Variants in DYM observed in about 807,000 individuals in gnomAD.
The protein encoded by DYM is dymeclin.
Under a neutral mutation model 93.1 loss-of-function variants are expected in DYM, and 78 were observed. The observed-to-expected ratio is 0.84, with a 90% CI of 0.70 to 1.01. The LOEUF (loss-of-function observed/expected upper bound fraction) is 1.01. Ranked by LOEUF, DYM falls within the 50% of genes least tolerant of loss-of-function variation. The pLI is 0.00. For synonymous variants in DYM, 321 were observed against 319.7 expected (o/e 1.00, Z -0.04); for missense variants, 789 against 845.0 (o/e 0.93, Z 0.82).
intron 1 of DYM, among the ~76,000 whole-genome samples, chr18:49,460,068 GAAGA>G (rs1568484644): frequency 6.6e-6 from 1 of 152,184 alleles, no homozygotes; most frequent in Non-Finnish European, 1.5e-5. Flanking sequence ...AATGTAAAAA[GAAGA>G]AAGAAAAACC....
chr18:49,190,812 A>C (rs556605535), intron 14 of DYM, among the ~76,000 whole-genome samples: 1 of 152,278 alleles, frequency 6.6e-6, no homozygotes, highest in African/African-American at 2.4e-5. Context: ...CGGCCTATTC[A>C]GTGTGAAGAC....
intron 17 of DYM, among the ~76,000 whole-genome samples, chr18:49,061,013 GT>G (rs1450664090): frequency 3.3e-5 from 5 of 152,110 alleles, no homozygotes; most frequent in Admixed American, 3.3e-4. Flanking sequence ...ACCTGATCAT[GT>G]TACTCTGTGC....
intron 1 of DYM, among the ~76,000 whole-genome samples, chr18:49,441,108 A>T (rs1288792474): frequency 1.4e-4 from 1 of 7,202 alleles, no homozygotes; most frequent in African/African-American, 3.1e-4. Context: ...AATATATATT[A>T]ATATAAATAT....
chr18:49,036,739 G>C lies in DYM; in HGVS notation c.*7316C>G, dbSNP rs921032993. Among the ~76,000 whole-genome samples, 4 of 151,890 alleles carry C rather than the reference G, an allele frequency of 2.6e-5. No individual in the cohort carries two copies. Among genetic ancestry groups the C allele is most frequent in the Non-Finnish European group, 5.9e-5 (4 of 68,006 alleles). On this transcript the variant is annotated 3_prime_UTR_variant, in exon 18 of 18. Transcript: ENST00000675505. The stretch of plus-strand genomic sequence containing the variant: ...GCTAATTTGTGTGTGTGTGTGTGTA[G>C]AGACAGGAGGGTTTCACCATGTTAT...
rs1568389823 is a variant in DYM, at chr18:49,081,537, AGAGGGGAGAGGGG to A, written c.2025+15852_2025+15864del. Reference sequence around the variant, plus strand: ...GACCGAGAGGGAGAGGGGAGAGGGGAGAGGGGAGAGGGGAGAGGGGAGAGGGGAGAGGGGAGCT... The same window carrying A: ...GACCGAGAGGGAGAGGGGAGAGGGGAAGAGGGGAGAGGGGAGAGGGGAGCT... On this transcript the variant is annotated intron_variant, in intron 17 of 17. Coordinates refer to ENST00000675505, the MANE Select transcript of DYM (RefSeq NM_001353214.3). Among the ~76,000 whole-genome samples, 4 of 21,652 alleles carry A rather than the reference AGAGGGGAGAGGGG, an allele frequency of 1.8e-4. 1 individual carries two copies. The East Asian group carries it at 2.2e-3, about 12-fold the overall frequency. 14.2% of individuals were successfully genotyped at this position (21,652 alleles called of 152,430 possible). A position where few individuals can be genotyped will look rare whatever the true frequency, so the allele number is the denominator to read the frequency against.
chr18:49,408,399 A>G (rs2071777406), intron 2 of DYM, among the ~76,000 whole-genome samples: 1 of 152,208 alleles, frequency 6.6e-6, no homozygotes, highest in Admixed American at 6.5e-5. Context: ...CTCTCCACAT[A>G]TATTTCTGAA....
At chr18:49,167,084 C>A (rs2087999169) in intron 14 of DYM, among the ~76,000 whole-genome samples, 1 of 150,370 alleles carries the variant, frequency 6.7e-6, no homozygotes, top group South Asian at 2.1e-4. Flanking sequence ...TAGAGGTGAT[C>A]TATAGTAACT....
intron 1 of DYM, among the ~76,000 whole-genome samples, chr18:49,441,866 A>G (rs1234531707): frequency 6.6e-6 from 1 of 152,130 alleles, no homozygotes; most frequent in Non-Finnish European, 1.5e-5. Context: ...AAAGACTATT[A>G]TGCGTGCTTC....
At chr18:49,219,186 C>T (rs1057351783) in intron 13 of DYM, among the ~76,000 whole-genome samples, 7 of 151,688 alleles carry the variant, frequency 4.6e-5, no homozygotes, top group African/African-American at 7.3e-5. Context: ...GACACATACA[C>T]CCTCCCAAGA....
intron 3 of DYM, among the ~76,000 whole-genome samples, chr18:49,390,499 G>A (rs561326677): frequency 7.2e-5 from 11 of 151,834 alleles, no homozygotes; most frequent in African/African-American, 2.7e-4. Context: ...TATCCATACA[G>A]CTCGATTTTT....
intron 16 of DYM, among the ~76,000 whole-genome samples, chr18:49,105,358 G>A (rs937367894): frequency 3.3e-5 from 5 of 152,116 alleles, no homozygotes; most frequent in Non-Finnish European, 7.4e-5. Flanking sequence ...CAAAAAACCA[G>A]CTCCTGGATT....
chr18:49,146,558 AAC>A (rs2085168407), intron 15 of DYM, among the ~76,000 whole-genome samples: 1 of 152,188 alleles, frequency 6.6e-6, no homozygotes, highest in Non-Finnish European at 1.5e-5. Context: ...ATAACAGACA[AAC>A]AGAGAGCCAA....
At chr18:49,088,287 T>G (rs2078736074) in intron 17 of DYM, among the ~76,000 whole-genome samples, 2 of 152,190 alleles carry the variant, frequency 1.3e-5, no homozygotes. Context: ...GAATTAATTT[T>G]TGTATAAGGT....
intron 13 of DYM, among the ~76,000 whole-genome samples, chr18:49,241,845 T>A (rs2094019557): frequency 6.6e-6 from 1 of 152,184 alleles, no homozygotes; most frequent in Admixed American, 6.5e-5. Context: ...TTTTTCAAAT[T>A]AAAAAGGAAA....
intron 11 of DYM, among the ~76,000 whole-genome samples, chr18:49,258,901 G>A (rs1439072810): frequency 2.1e-5 from 3 of 145,832 alleles, no homozygotes; most frequent in Middle Eastern, 3.6e-3. Context: ...CAGGCAGGCC[G>A]GCAGACAGGT....
At chr18:49,094,983 G>C (rs1437269648) in intron 17 of DYM, among the ~76,000 whole-genome samples, 4 of 152,108 alleles carry the variant, frequency 2.6e-5, no homozygotes, top group African/African-American at 9.7e-5. Context: ...AAATCAATTA[G>C]TATATATTAT....
At chr18:49,309,233 T>A (rs1219654763) in intron 8 of DYM, among the ~76,000 whole-genome samples, 1 of 152,118 alleles carries the variant, frequency 6.6e-6, no homozygotes, top group Non-Finnish European at 1.5e-5. Context: ...GAAAACTGGG[T>A]CAACCTAAGT....
chr18:49,168,621 C>T (rs897025623), intron 14 of DYM, among the ~76,000 whole-genome samples: 1 of 152,086 alleles, frequency 6.6e-6, no homozygotes, highest in East Asian at 1.9e-4. Context: ...TTATTCTATT[C>T]GGAGTGAGAA....
chr18:49,145,606 A>G (rs2085039121), intron 15 of DYM, among the ~76,000 whole-genome samples: 1 of 152,166 alleles, frequency 6.6e-6, no homozygotes, highest in African/African-American at 2.4e-5. Context: ...TCCAAAATAT[A>G]AACAGATACA....
Sources: allele counts gnomAD v4.1 joint callset (sites outside exome capture counted in the v4.1 genomes callset), GRCh38; gene constraint gnomAD v4.1.1; transcripts MANE v1.5; gene names NCBI Gene and HGNC (gene_info 2026-07-23, HGNC 2026-07-21).